PLEC: variants seen among roughly 807,000 people sequenced by gnomAD.
The protein encoded by PLEC is hemidesmosomal protein 1.
PLEC carries 216 observed loss-of-function variants against 392.8 expected under a neutral mutation model. That is an observed-to-expected ratio of 0.55 (90% confidence interval 0.49 to 0.62). The LOEUF is 0.62. Ranked by LOEUF, PLEC falls within the 20% of genes least tolerant of loss-of-function variation. PLEC has a pLI of 0.00. For missense variants in PLEC, 6,863 were observed against 6,563.4 expected, an observed-to-expected ratio of 1.05 and a Z score of -1.58; for synonymous variants, 3,621 against 2,980.6, an observed-to-expected ratio of 1.21 and a Z score of -7.00.
intron 23 of PLEC, 24 bp downstream of exon 23, chr8:143,929,622 C>A (rs782620866): frequency 1.2e-6 from 2 of 1,608,520 alleles, no homozygotes; most frequent in African/African-American, 2.7e-5. Flanking sequence ...CCAGCCCAAC[C>A]GCCCCAGCCC....
Position 143,921,837 on chromosome 8 carries a change from C to T in PLEC, c.7984G>A (p.Gly2662Ser), listed in dbSNP as rs782786410. Residue 2662 changes from glycine to serine, a missense_variant, in exon 32 of 32, where the codon GGC (glycine) becomes AGC (serine). Coordinates refer to ENST00000345136, the MANE Select transcript of PLEC (RefSeq NM_201384.3). ...KVSAQRLQEAGILSAEELQRL... is the reference protein window; with the variant it reads ...KVSAQRLQEASILSAEELQRL... The stretch of plus-strand genomic sequence containing the variant: ...TGCAGCTCCTCCGCACTCAGGATGC[C>T]GGCCTCCTGCAGCCTCTGAGCTGAC... 19 of 1,605,984 alleles carry T rather than the reference C, an allele frequency of 1.2e-5. No homozygotes were observed. The highest frequency in any genetic ancestry group is 3.3e-5 in the South Asian group (3 of 91,062).
At position 143,917,261 on chromosome 8, in the gene PLEC, T is replaced by C. The variant is rs1480187478; in HGVS notation, c.12560A>G (p.Asp4187Gly). Reference protein sequence around the residue: ...EWEEITISSSDGVVKSMIIDR... With the variant: ...EWEEITISSSGGVVKSMIIDR... ...GATGATCATGGACTTGACCACGCCG[T>C]CCGAGGAGGAGATGGTGATCTCCTC... is the stretch of plus-strand genomic sequence containing the variant. The change falls in exon 32 of 32, where the codon GAC becomes GGC. Residue 4187 changes from aspartate to glycine, a missense_variant. Physicochemically the swap from Asp to Gly is moderately conservative, Grantham distance 94. Coordinates refer to ENST00000345136, the MANE Select transcript of PLEC (RefSeq NM_201384.3). 4 of 1,611,130 alleles carry C rather than the reference T, an allele frequency of 2.5e-6. No individual in the cohort carries two copies. In the African/African-American group the frequency reaches 4.0e-5, roughly 16 times the overall value.
In PLEC at chr8:143,929,866, C is replaced by A. The variant is rs782647747; in HGVS notation, c.2740-37G>T. On this transcript the variant is annotated intron_variant, in intron 22 of 31. Transcript: ENST00000345136. ...ACGTGGGGCTGAGTGCCGGGCGAGG[C>A]GGCCGTGCCCTGCACAACGCCTCTC... The A allele has an allele frequency of 6.2e-6, 10 of 1,600,338 alleles. No individual in the cohort carries two copies. In the South Asian group the frequency reaches 6.6e-5, roughly 11 times the overall value.
At chr8:143,950,140 C>G (rs1464657064) in intron 1 of PLEC, 1 of 1,465,074 alleles carries the variant, frequency 6.8e-7, no homozygotes, top group East Asian at 2.5e-5. Flanking sequence ...CAACCAGACC[C>G]CTACTTGCCA....
chr8:143,927,061 C>T lies in PLEC; in HGVS notation c.3861G>A (p.Val1287=), dbSNP rs1486846284. 1.2e-6 allele frequency: 2 copies of T among 1,611,556 alleles called. No homozygotes were observed. The highest frequency in any genetic ancestry group is 8.5e-7 in the Non-Finnish European group (1 of 1,179,946). Reference sequence around the variant, plus strand: ...CCGGCTCAAGCTGCGCCTTGTACGTCACCAGCTGGAGTTCATAGTCCTGTG... The same window carrying T: ...CCGGCTCAAGCTGCGCCTTGTACGTTACCAGCTGGAGTTCATAGTCCTGTG... ...NAIKDYELQL[V]TYKAQLEPVA... Residue 1287 remains valine, a synonymous_variant, in exon 29 of 32, where the codon GTG becomes GTA. Coordinates refer to ENST00000345136, the MANE Select transcript of PLEC (RefSeq NM_201384.3).
rs1554688871 is a variant in PLEC, at chr8:143,922,213, C to G, written c.7608G>C (p.Arg2536=). 1.3e-6 allele frequency: 2 copies of G among 1,561,006 alleles called. No homozygotes were observed. The highest frequency in any genetic ancestry group is 1.7e-6 in the Non-Finnish European group (2 of 1,156,582). The change falls in exon 32 of 32, where the codon CGG becomes CGC. Residue 2536 remains arginine, a synonymous_variant. Transcript: ENST00000345136. ...GTTCCTGCTCCATCTGCTGCTGCTGCCGCTGCTGCTCCTCACGCAGCTGCT... is the reference window on the plus strand; with the variant it reads ...GTTCCTGCTCCATCTGCTGCTGCTGGCGCTGCTGCTCCTCACGCAGCTGCT... ...KAQQLREEQQ[R]QQQQMEQERQ... is the part of the protein sequence containing the mutation.
chr8:143,957,267 C>T (rs938694027), upstream of PLEC, among the ~76,000 whole-genome samples: 1 of 152,188 alleles, frequency 6.6e-6, no homozygotes, highest in Non-Finnish European at 1.5e-5. Flanking sequence ...GAGATCTCAT[C>T]GCTCTGGCCC....
rs782053941 is a variant in PLEC at position 143,920,242 on chromosome 8, G to A, written c.9579C>T (p.Gly3193=). 5.0e-5 allele frequency: 80 copies of A among 1,599,786 alleles called. No individual in the cohort carries two copies. The Middle Eastern group carries it at 8.2e-4, about 16-fold the overall frequency. ...CGGGCCGGCACCGCTGCTGGAGCTC[G>A]CCGTAGGTGGCCGGCTCCCCTGTGC... The part of the protein sequence containing the change: ...DPSTGEPATY[G]ELQQRCRPDQ... The change falls in exon 32 of 32, where the codon GGC becomes GGT. Residue 3193 remains glycine (G), a synonymous_variant. Coordinates refer to ENST00000345136, the MANE Select transcript of PLEC (RefSeq NM_201384.3).
rs782083663 is a variant in PLEC, at chr8:143,922,122, G to A, written c.7699C>T (p.Arg2567Trp). The change falls in exon 32 of 32, where the codon CGG becomes TGG. Residue 2567 changes from arginine (R) to tryptophan (W), a missense_variant. By Grantham distance (101) the Arg-to-Trp change is moderately radical (BLOSUM62 -3). Transcript: ENST00000345136. ...TGCTGCAGCTCCTCCTGCTTGCGCC[G>A]CACGCCCTCCTCGGCCTCATGCTGC... is the stretch of plus-strand genomic sequence containing the variant. ...RRQHEAEEGVRRKQEELQQLE... is the reference protein window; with the variant it reads ...RRQHEAEEGVWRKQEELQQLE... The A allele has an allele frequency of 6.5e-6, 10 of 1,544,470 alleles. No homozygotes were observed. The highest frequency in any genetic ancestry group is 2.7e-5 in the African/African-American group (2 of 73,350).
intron 1 of PLEC, among the ~76,000 whole-genome samples, chr8:143,961,771 A>G: frequency 6.6e-6 from 1 of 152,384 alleles, no homozygotes; most frequent in East Asian, 1.9e-4. Flanking sequence ...ACTTCATAAC[A>G]TTAAATCATG....
Position 143,921,034 on chromosome 8 carries a change from G to T in PLEC, c.8787C>A (p.Asn2929Lys). 1 of 1,612,946 alleles carries T rather than the reference G, an allele frequency of 6.2e-7. No individual in the cohort carries two copies. ...GKTVTIWEII[N>K]SEYFTAEQRR... ...GCTGCTCTGCCGTGAAGTATTCCGA[G>T]TTGATGATCTCCCAAATGGTCACCG... is the stretch of plus-strand genomic sequence containing the variant. The change falls in exon 32 of 32, where the codon AAC becomes AAA. Residue 2929 changes from asparagine (N) to lysine (K), a missense_variant. Coordinates refer to ENST00000345136, the MANE Select transcript of PLEC (RefSeq NM_201384.3).
At chr8:143,937,864 G>A in intron 3 of PLEC, 1 of 619,458 alleles carries the variant, frequency 1.6e-6, no homozygotes, top group Non-Finnish European at 3.0e-6. Context: ...CCAAAGCAAA[G>A]CGGAGCATGA....
chr8:143,970,746 C>T (rs1395560599), intron 1 of PLEC, among the ~76,000 whole-genome samples: 3 of 152,186 alleles, frequency 2.0e-5, no homozygotes, highest in Non-Finnish European at 2.9e-5. Context: ...GAACTGTCCC[C>T]GCCCTGCCAC....
At chr8:143,970,945 G>A (rs1238638325) in intron 1 of PLEC, among the ~76,000 whole-genome samples, 2 of 152,222 alleles carry the variant, frequency 1.3e-5, no homozygotes, top group African/African-American at 4.8e-5. Context: ...GAGCTCTCCC[G>A]CCACAGGCTG....
chr8:143,933,478 T>G, intron 12 of PLEC, 127 bp from the exon 13 acceptor site: 2 of 1,106,758 alleles, frequency 1.8e-6, no homozygotes, highest in Non-Finnish European at 2.7e-6. Context: ...ATCCCTGTCC[T>G]TCCCCTTCCC....
rs1554689047 is a variant in PLEC, at chr8:143,922,241, G to A, written c.7580C>T (p.Ala2527Val). 3 of 1,588,844 alleles carry A rather than the reference G, an allele frequency of 1.9e-6. No individual in the cohort carries two copies. Among genetic ancestry groups the A allele is most frequent in the African/African-American group, 1.3e-5 (1 of 74,742 alleles). The change falls in exon 32 of 32, where the codon GCA (alanine) becomes GTA (valine). Residue 2527 changes from alanine to valine, a missense_variant. Ala to Val is a moderately conservative substitution (Grantham distance 64). Transcript: ENST00000345136. Reference protein sequence around the residue: ...EQLFQDEVAKAQQLREEQQRQ... With the variant: ...EQLFQDEVAKVQQLREEQQRQ... Reference sequence around the variant, plus strand: ...CTGCTGCTCCTCACGCAGCTGCTGTGCCTTGGCCACCTCGTCCTGGAAGAG... The same window carrying A: ...CTGCTGCTCCTCACGCAGCTGCTGTACCTTGGCCACCTCGTCCTGGAAGAG...
chr8:143,924,977 ACCT>A lies in PLEC; in HGVS notation c.4949_4951del (p.Glu1650del), dbSNP rs1554700051. ...CTGCGCCAGGCTCTTCTGCTGCGCC[ACCT>A]CCTCCGCCTGCAGCCGCAGCCGTAG... On this transcript the variant is annotated inframe_deletion, in exon 31 of 32. Coordinates refer to ENST00000345136, the MANE Select transcript of PLEC (RefSeq NM_201384.3). The A allele has an allele frequency of 1.9e-6, 3 of 1,574,100 alleles. No individual in the cohort carries two copies. Among genetic ancestry groups the A allele is most frequent in the African/African-American group, 2.7e-5 (2 of 73,364 alleles).
upstream of PLEC, among the ~76,000 whole-genome samples, chr8:143,952,994 C>T (rs112256910): frequency 7.6e-6 from 1 of 130,874 alleles, no homozygotes; most frequent in African/African-American, 2.8e-5. Flanking sequence ...ATGCGCCACC[C>T]CCCCCCGCCT....
At position 143,939,497 on chromosome 8, in the gene PLEC, C is replaced by G; in HGVS notation, c.-36G>C. On this transcript the variant is annotated 5_prime_UTR_variant, in exon 1 of 32. Transcript: ENST00000345136. The stretch of plus-strand genomic sequence containing the variant: ...CACCTTCGTCGCCCGGACCCTCGGC[C>G]TCAGGCACGGTGCTCTGGGCAGCCC... The G allele has an allele frequency of 1.9e-6, 3 of 1,589,656 alleles. No individual in the cohort carries two copies. Among genetic ancestry groups the G allele is most frequent in the Non-Finnish European group, 2.6e-6 (3 of 1,169,026 alleles).
Sources: allele counts gnomAD v4.1 joint callset (sites outside exome capture counted in the v4.1 genomes callset), GRCh38; gene constraint gnomAD v4.1.1; transcripts MANE v1.5; gene names NCBI Gene and HGNC (gene_info 2026-07-23, HGNC 2026-07-21).